Variants in NUMB observed in about 807,000 individuals in gnomAD.
NUMB encodes the protein NUMB endocytic adaptor protein.
In NUMB, 29 loss-of-function variants were observed where a neutral mutation model predicts 59.7. The ratio of observed to expected loss-of-function variants is 0.49; its 90% CI spans 0.36 to 0.66. The LOEUF (loss-of-function observed/expected upper bound fraction) is 0.66. NUMB is among the 30% of genes least tolerant of loss of function. The probability of loss-of-function intolerance (pLI) is 0.00; values close to 1 mark genes in which losing one functional copy is unlikely to be tolerated. For synonymous variants in NUMB, 288 were observed against 288.2 expected (o/e 1.00, Z 0.01); for missense variants, 723 against 822.0 (o/e 0.88, Z 1.47).
At chr14:73,355,431 C>G (rs890665112) in intron 4 of NUMB, among the ~76,000 whole-genome samples, 195 bp downstream of exon 4, 10 of 152,136 alleles carry the variant, frequency 6.6e-5, no homozygotes, top group African/African-American at 2.2e-4. Flanking sequence ...AAAAAGAAAA[C>G]TCCCTAATTA....
intron 5 of NUMB, among the ~76,000 whole-genome samples, chr14:73,320,090 C>T (rs1891319093): frequency 6.6e-6 from 1 of 152,118 alleles, no homozygotes; most frequent in Non-Finnish European, 1.5e-5. Flanking sequence ...CAAGATCACA[C>T]CACTGCACTC....
rs189393385 is a variant in NUMB at position 73,316,544 on chromosome 14, G to T, written c.202-122C>A. The T allele has an allele frequency of 9.0e-4, 722 of 801,696 alleles. 6 individuals are homozygous for T. The African/African-American group carries it at 0.011, about 12-fold the overall frequency. The allele number at this position is 801,696 out of a possible 1,614,324, so 49.7% of individuals were successfully genotyped here. A position where few individuals can be genotyped will look rare whatever the true frequency, so the allele number is the denominator to read the frequency against. On this transcript the variant is annotated intron_variant, in intron 5 of 12. Transcript: ENST00000555238. ...AAAAAGTGGGAGAAGGGGTGGGAGT[G>T]AGTTTCAAAGAGTTATCCACACCAG...
chr14:73,371,491 C>T (rs948101515), intron 2 of NUMB, among the ~76,000 whole-genome samples: 1 of 151,674 alleles, frequency 6.6e-6, no homozygotes, highest in African/African-American at 2.4e-5. Context: ...GCCGAGATTG[C>T]GCCACTGCAC....
chr14:73,354,743 G>T (rs1426702653), intron 4 of NUMB, among the ~76,000 whole-genome samples: 1 of 148,796 alleles, frequency 6.7e-6, no homozygotes, highest in Admixed American at 6.7e-5. Context: ...CAAGAGAATC[G>T]CTTGAACCCA....
intron 2 of NUMB, among the ~76,000 whole-genome samples, chr14:73,383,744 G>A (rs990715489): frequency 6.6e-5 from 10 of 152,204 alleles, no homozygotes; most frequent in Admixed American, 3.9e-4. Context: ...GGCTGGGCAC[G>A]GTGGCTCACA....
intron 2 of NUMB, among the ~76,000 whole-genome samples, chr14:73,377,386 C>T (rs2140069322): frequency 6.6e-6 from 1 of 152,234 alleles, no homozygotes; most frequent in Non-Finnish European, 1.5e-5. Context: ...GCCTGTAATC[C>T]AGCACTTTCG....
At chr14:73,389,141 C>T (rs1325632188) in intron 2 of NUMB, among the ~76,000 whole-genome samples, 3 of 146,074 alleles carry the variant, frequency 2.1e-5, no homozygotes, top group Non-Finnish European at 3.0e-5. Flanking sequence ...TGTGGTGGTG[C>T]GCACCTGTAC....
chr14:73,382,089 C>T (rs1218051885), intron 2 of NUMB, among the ~76,000 whole-genome samples: 2 of 152,192 alleles, frequency 1.3e-5, no homozygotes, highest in African/African-American at 4.8e-5. Flanking sequence ...TGCTATATTG[C>T]TTTTGCCCTT....
At chr14:73,454,212 T>C (rs1207159280) in intron 1 of NUMB, among the ~76,000 whole-genome samples, 2 of 151,054 alleles carry the variant, frequency 1.3e-5, no homozygotes, top group Non-Finnish European at 2.9e-5. Flanking sequence ...AAAAGTTGAA[T>C]TTTTTTTTAA....
intron 1 of NUMB, among the ~76,000 whole-genome samples, chr14:73,451,564 G>A (rs556407723): frequency 2.3e-4 from 35 of 150,060 alleles, no homozygotes; most frequent in Admixed American, 6.0e-4. Context: ...TCAGTGAGCC[G>A]AGATTGTGCC....
At chr14:73,299,888 G>C (rs1890033860) in intron 6 of NUMB, among the ~76,000 whole-genome samples, 2 of 152,046 alleles carry the variant, frequency 1.3e-5, no homozygotes, top group Admixed American at 6.6e-5. Context: ...ACAAATATGA[G>C]ACTGAATTCA....
chr14:73,454,077 C>T (rs572603923), intron 1 of NUMB, among the ~76,000 whole-genome samples: 7 of 151,618 alleles, frequency 4.6e-5, no homozygotes, highest in East Asian at 1.9e-4. Flanking sequence ...GGGGGGGGAA[C>T]GGTTGAAGAA....
intron 1 of NUMB, chr14:73,457,522 C>T (rs1296639299): frequency 6.6e-6 from 1 of 152,276 alleles, no homozygotes; most frequent in African/African-American, 2.4e-5. Context: ...CTTTCTCTAC[C>T]TTATCCCCTC....
intron 1 of NUMB, among the ~76,000 whole-genome samples, chr14:73,420,453 T>C (rs1400303080): frequency 2.0e-5 from 3 of 152,166 alleles, no homozygotes; most frequent in East Asian, 1.9e-4. Context: ...CATTTTTTTT[T>C]CAACTGTCTG....
chr14:73,313,697 T>C (rs973270311), intron 6 of NUMB, among the ~76,000 whole-genome samples: 1 of 131,954 alleles, frequency 7.6e-6, no homozygotes, highest in African/African-American at 3.2e-5. Context: ...CCAAAATCCA[T>C]AACCCTTCAG....
At chr14:73,416,486 C>T (rs4619336) in intron 1 of NUMB, among the ~76,000 whole-genome samples, 7,832 of 151,968 alleles carry the variant, frequency 0.052, 655 homozygotes, top group African/African-American at 0.18. Context: ...AAAATTATGC[C>T]CATCCTTTGA....
At chr14:73,450,113 T>G (rs1883821601) in intron 1 of NUMB, among the ~76,000 whole-genome samples, 3 of 152,244 alleles carry the variant, frequency 2.0e-5, no homozygotes, top group Admixed American at 2.0e-4. Flanking sequence ...AATGTGATAA[T>G]TATTAATAAT....
intron 6 of NUMB, chr14:73,298,362 G>A (rs1339427849): frequency 1.3e-5 from 2 of 152,152 alleles, no homozygotes; most frequent in Non-Finnish European, 2.9e-5. Flanking sequence ...ACCCAGCCTT[G>A]GCTTGGTTTT....
chr14:73,285,199 A>G (rs780430315), intron 9 of NUMB: 1 of 152,218 alleles, frequency 6.6e-6, no homozygotes, highest in Non-Finnish European at 1.5e-5. Context: ...AAAAGCATGC[A>G]GTAGTAAAAT....
Sources: gnomAD v4.1 joint callset for allele counts (sites outside exome capture counted in the v4.1 genomes callset) on GRCh38, gnomAD v4.1.1 for gene constraint, MANE v1.5 for transcripts, NCBI Gene and HGNC (gene_info 2026-07-23, HGNC 2026-07-21) for gene names.